CSNK1G1: variants seen among roughly 807,000 people sequenced by gnomAD.
CSNK1G1 encodes the protein casein kinase 1 gamma 1.
CSNK1G1 carries 22 observed loss-of-function variants against 59.6 expected under a neutral mutation model. That is an observed-to-expected ratio of 0.37 (90% confidence interval 0.26 to 0.53). The LOEUF is 0.53. Ranked by LOEUF, CSNK1G1 falls within the 20% of genes least tolerant of loss-of-function variation. CSNK1G1 has a pLI of 0.89. For synonymous variants in CSNK1G1, 179 were observed against 177.1 expected (o/e 1.01, Z -0.08); for missense variants, 384 against 519.5 (o/e 0.74, Z 2.54).
intron 2 of CSNK1G1, among the ~76,000 whole-genome samples, chr15:64,260,055 T>C (rs1347655540): frequency 6.6e-6 from 1 of 152,164 alleles, no homozygotes; most frequent in Non-Finnish European, 1.5e-5. Context: ...CACCTCCCCA[T>C]CCTCACTAAT....
intron 1 of CSNK1G1, among the ~76,000 whole-genome samples, chr15:64,302,315 G>A (rs1356598234): frequency 6.6e-6 from 1 of 151,978 alleles, no homozygotes; most frequent in Non-Finnish European, 1.5e-5. Context: ...TGGCCAGGCT[G>A]GTCTCGAACT....
chr15:64,318,585 T>C (rs1896395095), intron 1 of CSNK1G1, among the ~76,000 whole-genome samples: 2 of 151,690 alleles, frequency 1.3e-5, no homozygotes. Flanking sequence ...CTCACTCTGT[T>C]GCCCAGGCTG....
intron 1 of CSNK1G1, among the ~76,000 whole-genome samples, chr15:64,319,689 C>A (rs1005661689): frequency 1.3e-5 from 2 of 151,724 alleles, no homozygotes; most frequent in South Asian, 2.1e-4. Context: ...GGATTACAGG[C>A]GCATGCCGCC....
intron 11 of CSNK1G1, among the ~76,000 whole-genome samples, chr15:64,178,129 T>G (rs1042538863): frequency 1.3e-5 from 2 of 152,300 alleles, no homozygotes; most frequent in Non-Finnish European, 2.9e-5. Flanking sequence ...TTTTCTACCA[T>G]GCCCCAAATG....
At chr15:64,198,839 G>C (rs1193100892) in intron 10 of CSNK1G1, among the ~76,000 whole-genome samples, 1 of 152,026 alleles carries the variant, frequency 6.6e-6, no homozygotes, top group African/African-American at 2.4e-5. Context: ...AGAGTGCATA[G>C]TGCAGAAAGA....
In CSNK1G1 at chr15:64,253,757, T is replaced by C. The variant is rs538167641; in HGVS notation, c.223-2176A>G. Among the ~76,000 whole-genome samples, 6 of 152,310 alleles carry C rather than the reference T, an allele frequency of 3.9e-5. No homozygotes were observed. In the East Asian group the frequency reaches 1.2e-3, roughly 29 times the overall value. Reference sequence around the variant, plus strand: ...ACCTTAAAAAGGAAATTCTGACACATGCTACAACACGGGCAAACCTTGAGG... The same window carrying C: ...ACCTTAAAAAGGAAATTCTGACACACGCTACAACACGGGCAAACCTTGAGG... On this transcript the variant is annotated intron_variant, in intron 3 of 11. Coordinates refer to ENST00000303052, the MANE Select transcript of CSNK1G1 (RefSeq NM_022048.5).
chr15:64,214,141 T>C lies in CSNK1G1; in HGVS notation c.445-17A>G. 6.5e-7 allele frequency: 1 copy of C among 1,542,890 alleles called. No individual in the cohort carries two copies. The highest frequency in any genetic ancestry group is 1.1e-5 in the South Asian group (1 of 89,602). ...TCGAGAAAGCTGAAAGAGAAACAAA[T>C]GATAGAAAGACTGTAAAGAAGTATA... is the stretch of plus-strand genomic sequence containing the variant. On this transcript the variant is annotated splice_polypyrimidine_tract_variant and intron_variant, in intron 5 of 11. Coordinates refer to ENST00000303052, the MANE Select transcript of CSNK1G1 (RefSeq NM_022048.5). The surrounding 1 kb of genome is among the most constrained non-coding windows in gnomAD (Gnocchi z 4.3).
At chr15:64,258,390 A>T (rs936956078) in intron 3 of CSNK1G1, among the ~76,000 whole-genome samples, 3 of 151,916 alleles carry the variant, frequency 2.0e-5, no homozygotes, top group Non-Finnish European at 2.9e-5. Flanking sequence ...CTCCAAAAAA[A>T]AAAAAATAAA....
At chr15:64,194,050 A>C (rs1323461649) in intron 10 of CSNK1G1, 1 of 152,328 alleles carries the variant, frequency 6.6e-6, no homozygotes, top group Non-Finnish European at 1.5e-5. Flanking sequence ...TCAGTTTTGC[A>C]CTTGCTTGTT....
chr15:64,251,394 C>A, intron 4 of CSNK1G1, 118 bp downstream of exon 4: 1 of 663,822 alleles, frequency 1.5e-6, no homozygotes, highest in Non-Finnish European at 2.6e-6. Flanking sequence ...ACCTATCCGG[C>A]AAGCAGGGGA....
intron 2 of CSNK1G1, among the ~76,000 whole-genome samples, chr15:64,265,184 T>A (rs551681650): frequency 6.6e-6 from 1 of 152,144 alleles, no homozygotes; most frequent in East Asian, 1.9e-4. Context: ...AAAATTAACA[T>A]ACAAAAATTA....
At chr15:64,271,092 C>T (rs1204514512) in intron 2 of CSNK1G1, among the ~76,000 whole-genome samples, 1 of 152,096 alleles carries the variant, frequency 6.6e-6, no homozygotes, top group Non-Finnish European at 1.5e-5. Context: ...AAGTGATTCT[C>T]CTGACTCAGT....
intron 1 of CSNK1G1, among the ~76,000 whole-genome samples, chr15:64,306,216 T>G (rs1463693228): frequency 6.6e-6 from 1 of 152,160 alleles, no homozygotes; most frequent in Non-Finnish European, 1.5e-5. Flanking sequence ...AGCCACTGAT[T>G]AGGAGAAAAT....
intron 4 of CSNK1G1, among the ~76,000 whole-genome samples, chr15:64,243,151 C>T (rs991195511): frequency 6.6e-5 from 10 of 152,074 alleles, no homozygotes; most frequent in African/African-American, 2.4e-4. Context: ...TCCTGGCCAA[C>T]ATGGTGATAC....
At chr15:64,258,367 T>C (rs1892507071) in intron 3 of CSNK1G1, among the ~76,000 whole-genome samples, 1 of 148,320 alleles carries the variant, frequency 6.7e-6, no homozygotes, top group African/African-American at 2.5e-5. Context: ...TGGGCAACAC[T>C]GTGAGACCCT....
chr15:64,223,923 T>C (rs1447963907), intron 4 of CSNK1G1, among the ~76,000 whole-genome samples: 1 of 152,180 alleles, frequency 6.6e-6, no homozygotes, highest in African/African-American at 2.4e-5. Flanking sequence ...GAAAATGGCT[T>C]CTTTTATCAT....
intron 1 of CSNK1G1, among the ~76,000 whole-genome samples, chr15:64,333,419 G>A (rs967136191): frequency 7.2e-5 from 7 of 97,764 alleles, no homozygotes; most frequent in Non-Finnish European, 1.3e-4. Flanking sequence ...GGGCAACACA[G>A]TGAGACACCA....
intron 4 of CSNK1G1, among the ~76,000 whole-genome samples, chr15:64,224,737 C>A (rs1181306605): frequency 6.6e-6 from 1 of 152,064 alleles, no homozygotes; most frequent in African/African-American, 2.4e-5. Flanking sequence ...TGGAATACTG[C>A]CAAACATAGG....
At position 64,300,551 on chromosome 15, in the gene CSNK1G1, T is replaced by C. The variant is rs368289311; in HGVS notation, c.-52A>G. 18 of 1,552,460 alleles carry C rather than the reference T, an allele frequency of 1.2e-5. No individual in the cohort carries two copies. In the Middle Eastern group the frequency reaches 5.3e-4, roughly 46 times the overall value. On this transcript the variant is annotated 5_prime_UTR_variant, in exon 2 of 12. Coordinates refer to ENST00000303052, the MANE Select transcript of CSNK1G1 (RefSeq NM_022048.5). ...GTACAGCAAGTAGCTTCAGTATGTA[T>C]ACCTCTCTTCAATACAAAAGTATGT...
Sources: allele counts gnomAD v4.1 joint callset (sites outside exome capture counted in the v4.1 genomes callset), GRCh38; gene constraint gnomAD v4.1.1; non-coding constraint Gnocchi (gnomAD v3.1); transcripts MANE v1.5; gene names NCBI Gene and HGNC (gene_info 2026-07-23, HGNC 2026-07-21).